Variants in SNX30 observed in about 807,000 individuals in gnomAD.
SNX30 encodes the protein sorting nexin-30.
SNX30 carries 24 observed loss-of-function variants against 46.4 expected under a neutral mutation model. That is an observed-to-expected ratio of 0.52 (90% confidence interval 0.37 to 0.73). The LOEUF is 0.73. SNX30 is among the 30% of genes least tolerant of loss of function. The probability of loss-of-function intolerance (pLI) is 0.00; values close to 1 mark genes in which losing one functional copy is unlikely to be tolerated. For missense variants in SNX30, 533 were observed against 555.7 expected, an observed-to-expected ratio of 0.96 and a Z score of 0.41; for synonymous variants, 189 against 211.5, an observed-to-expected ratio of 0.89 and a Z score of 0.92.
downstream of SNX30, among the ~76,000 whole-genome samples, chr9:112,875,521 A>G (rs1017500992): frequency 5.9e-5 from 9 of 152,228 alleles, no homozygotes; most frequent in African/African-American, 2.2e-4. Flanking sequence ...CTTACTAGCT[A>G]TGTGGCTTTA....
At chr9:112,868,253 CT>C (rs1841391893) in intron 8 of SNX30, among the ~76,000 whole-genome samples, 1 of 152,226 alleles carries the variant, frequency 6.6e-6, no homozygotes, top group Admixed American at 6.5e-5. Context: ...TGGCTTCCCT[CT>C]TCCATATTCC....
chr9:112,768,810 C>G (rs1170526867), intron 1 of SNX30, among the ~76,000 whole-genome samples: 1 of 151,994 alleles, frequency 6.6e-6, no homozygotes, highest in East Asian at 1.9e-4. Context: ...GCACCTGCCA[C>G]CACGCTGGCT....
At chr9:112,781,441 A>T (rs1420089852) in intron 1 of SNX30, among the ~76,000 whole-genome samples, 2 of 152,078 alleles carry the variant, frequency 1.3e-5, no homozygotes, top group African/African-American at 4.8e-5. Context: ...ATTGCTGTCT[A>T]TTATGCTTTT....
intron 7 of SNX30, among the ~76,000 whole-genome samples, chr9:112,856,415 G>A (rs1841129864): frequency 6.7e-6 from 1 of 150,046 alleles, no homozygotes; most frequent in African/African-American, 2.5e-5. Flanking sequence ...TGTGGTGTGT[G>A]TGGGGTATGT....
At chr9:112,807,529 A>C (rs182598387) in intron 2 of SNX30, among the ~76,000 whole-genome samples, 127 of 152,286 alleles carry the variant, frequency 8.3e-4, no homozygotes, top group African/African-American at 2.8e-3. Context: ...ATTAATATAC[A>C]TATTTCCAGG....
chr9:112,810,466 T>C (rs1334643003), intron 2 of SNX30, among the ~76,000 whole-genome samples: 2 of 152,078 alleles, frequency 1.3e-5, no homozygotes, highest in South Asian at 2.1e-4. Context: ...ATGGAATGGA[T>C]GCTGAGTAAA....
intron 1 of SNX30, among the ~76,000 whole-genome samples, chr9:112,776,141 A>G (rs918790288): frequency 4.0e-5 from 6 of 151,842 alleles, no homozygotes; most frequent in Non-Finnish European, 7.4e-5. Context: ...GGGCCCTTTT[A>G]GTTTTACTGC....
At chr9:112,825,404 C>G in intron 3 of SNX30, among the ~76,000 whole-genome samples, 1 of 152,140 alleles carries the variant, frequency 6.6e-6, no homozygotes, top group East Asian at 1.9e-4. Flanking sequence ...AAGCAATCCT[C>G]CCACCTCAGC....
chr9:112,793,812 T>G (rs1440356591), intron 1 of SNX30, among the ~76,000 whole-genome samples: 1 of 151,682 alleles, frequency 6.6e-6, no homozygotes, highest in Non-Finnish European at 1.5e-5. Context: ...TTGTTTTTTT[T>G]TTTTTCTTTC....
At chr9:112,792,256 C>T (rs1023457357) in intron 1 of SNX30, among the ~76,000 whole-genome samples, 1 of 152,150 alleles carries the variant, frequency 6.6e-6, no homozygotes, top group African/African-American at 2.4e-5. Context: ...GGTTTTTTCT[C>T]TCTATTTAAT....
intron 3 of SNX30, among the ~76,000 whole-genome samples, chr9:112,818,199 CTTTTT>C (rs10574279): frequency 1.6e-4 from 18 of 114,378 alleles, no homozygotes; most frequent in Admixed American, 2.7e-4. Context: ...AAATTTAAAT[CTTTTT>C]TTTTTTTTTT....
In SNX30 at chr9:112,874,471, C is replaced by T. The variant is rs1233454636; in HGVS notation, c.*5628C>T. On this transcript the variant is annotated 3_prime_UTR_variant, in exon 9 of 9. Coordinates refer to ENST00000374232, the MANE Select transcript of SNX30 (RefSeq NM_001012994.2). ...TTAAAAACTTCGGCTTTGGACATGT[C>T]CACATTATGGACTGTCATCTTATTT... 6.6e-6 allele frequency: 1 copy of T among 152,186 alleles called. No homozygotes were observed. Among genetic ancestry groups the T allele is most frequent in the Non-Finnish European group, 1.5e-5 (1 of 68,030 alleles). 9.4% of individuals were successfully genotyped at this position (152,186 alleles called of 1,614,324 possible).
At chr9:112,840,431 T>C (rs1840836945) in intron 6 of SNX30, among the ~76,000 whole-genome samples, 1 of 152,240 alleles carries the variant, frequency 6.6e-6, no homozygotes, top group Non-Finnish European at 1.5e-5. Context: ...ATGCTGACTT[T>C]CTTAAAATGA....
chr9:112,814,651 A>C (rs1023206193), intron 2 of SNX30, among the ~76,000 whole-genome samples: 5 of 152,204 alleles, frequency 3.3e-5, no homozygotes, highest in African/African-American at 1.2e-4. Flanking sequence ...TAAAGAAACA[A>C]CTGTAAACAA....
At chr9:112,838,466 C>T (rs189745142) in intron 5 of SNX30, 32 bp from the exon 6 acceptor site, 2 of 1,573,806 alleles carry the variant, frequency 1.3e-6, no homozygotes, top group South Asian at 2.3e-5. Context: ...GCTACCCAGC[C>T]AGATTTTAAT....
chr9:112,853,416 G>T (rs1396332237), intron 7 of SNX30, among the ~76,000 whole-genome samples: 1 of 152,236 alleles, frequency 6.6e-6, no homozygotes, highest in Non-Finnish European at 1.5e-5. Context: ...GAGCTGGCCT[G>T]TGATCTTCTG....
intron 5 of SNX30, among the ~76,000 whole-genome samples, 194 bp downstream of exon 5, chr9:112,836,603 CTGCTGTGTCAGCCT>C (rs1840756438): frequency 6.6e-6 from 1 of 152,242 alleles, no homozygotes; most frequent in South Asian, 2.1e-4. Flanking sequence ...GTCCTTTGTC[CTGCTGTGTCAGCCT>C]TGTGTTTGCT....
chr9:112,863,710 G>A (rs747396071), intron 7 of SNX30, among the ~76,000 whole-genome samples: 2 of 152,316 alleles, frequency 1.3e-5, no homozygotes, highest in Middle Eastern at 3.4e-3. Context: ...ATGATGTGGG[G>A]TTCAGAGGAG....
Position 112,838,490 on chromosome 9 carries a change from C to T in SNX30, c.815-8C>T. 1.2e-6 allele frequency: 2 copies of T among 1,601,612 alleles called. No homozygotes were observed. Among genetic ancestry groups the T allele is most frequent in the Non-Finnish European group, 1.7e-6 (2 of 1,172,972 alleles). On this transcript the variant is annotated splice_polypyrimidine_tract_variant and splice_region_variant and intron_variant, in intron 5 of 8. Coordinates refer to ENST00000374232, the MANE Select transcript of SNX30 (RefSeq NM_001012994.2). Reference sequence around the variant, plus strand: ...CCAGATTTTAATTAGTTTCTGTTCCCTGTTCAGAGTACCTTGTGGAGCTGA... The same window carrying T: ...CCAGATTTTAATTAGTTTCTGTTCCTTGTTCAGAGTACCTTGTGGAGCTGA...
Sources: allele counts gnomAD v4.1 joint callset (sites outside exome capture counted in the v4.1 genomes callset), GRCh38; gene constraint gnomAD v4.1.1; transcripts MANE v1.5; gene names NCBI Gene and HGNC (gene_info 2026-07-23, HGNC 2026-07-21).